Variants in NRDC observed in about 807,000 individuals in gnomAD.
NRDC encodes nardilysin convertase, also known as nardilysin.
NRDC carries 54 observed loss-of-function variants against 147.1 expected under a neutral mutation model. The ratio of observed to expected loss-of-function variants is 0.37; its 90% confidence interval spans 0.29 to 0.46. The LOEUF (loss-of-function observed/expected upper bound fraction) is 0.46. Ranked by LOEUF, NRDC falls within the 20% of genes least tolerant of loss-of-function variation. The pLI, the probability that NRDC is intolerant of heterozygous loss-of-function variation, is 1.00. For missense variants in NRDC, 1,082 were observed against 1,370.6 expected (o/e 0.79, Z 3.33); for synonymous variants, 440 against 482.1 (o/e 0.91, Z 1.14).
rs562410956 is a variant in NRDC at position 51,863,013 on chromosome 1, GAAA to G, written c.341+15259_341+15261del. Among the ~76,000 whole-genome samples the G allele has an allele frequency of 2.2e-3, 71 of 32,046 alleles. 1 individual carries two copies. The highest frequency in any genetic ancestry group is 9.6e-3 in the African/African-American group (66 of 6,846). 21.0% of individuals were successfully genotyped at this position (32,046 alleles called of 152,430 possible). On this transcript the variant is annotated intron_variant, in intron 1 of 30. Transcript: ENST00000352171. ...TGACAGAGTGAGACTCTGTGTGGAGGAAAAAAAAAAAAAAAAAAAAAAAAACAA... is the reference window on the plus strand; with the variant it reads ...TGACAGAGTGAGACTCTGTGTGGAGGAAAAAAAAAAAAAAAAAAAAAACAA...
At chr1:51,812,846 C>T (rs1453395040) in intron 14 of NRDC, among the ~76,000 whole-genome samples, 3 of 151,002 alleles carry the variant, frequency 2.0e-5, no homozygotes, top group Non-Finnish European at 4.4e-5. Context: ...CCTGTAGTTC[C>T]AGCTATTTGG....
rs772544413 is a variant in NRDC, at chr1:51,789,219, A to G, written c.*17T>C. ...TTAAAATACACATTGCTTCAGGCCAACGTGACTGCAGTTTATTTATTTGAC... is the reference window on the plus strand; with the variant it reads ...TTAAAATACACATTGCTTCAGGCCAGCGTGACTGCAGTTTATTTATTTGAC... On this transcript the variant is annotated 3_prime_UTR_variant, in exon 31 of 31. Coordinates refer to ENST00000352171, the MANE Select transcript of NRDC (RefSeq NM_001101662.2). The G allele has an allele frequency of 1.1e-5, 17 of 1,609,226 alleles. No individual in the cohort carries two copies. Among genetic ancestry groups the G allele is most frequent in the Middle Eastern group, 1.7e-4 (1 of 5,976 alleles).
intron 1 of NRDC, among the ~76,000 whole-genome samples, chr1:51,868,287 C>T (rs191678546): frequency 3.3e-5 from 5 of 151,636 alleles, no homozygotes; most frequent in Admixed American, 1.3e-4. Context: ...TGGGAAGGGA[C>T]GATTGAAAGA....
At chr1:51,832,648 G>A (rs1488440522) in intron 4 of NRDC, among the ~76,000 whole-genome samples, 2 of 151,584 alleles carry the variant, frequency 1.3e-5, no homozygotes, top group African/African-American at 2.4e-5. Context: ...TTTTTTCCGG[G>A]GTAGACTTTG....
At chr1:51,806,584 G>A (rs766213470) in intron 18 of NRDC, among the ~76,000 whole-genome samples, 7 of 152,202 alleles carry the variant, frequency 4.6e-5, no homozygotes, top group Non-Finnish European at 7.3e-5. Flanking sequence ...GGGGAAGCAA[G>A]TTACAGCAAA....
intron 1 of NRDC, among the ~76,000 whole-genome samples, chr1:51,846,268 G>A (rs1480716325): frequency 6.6e-6 from 1 of 151,868 alleles, no homozygotes; most frequent in Non-Finnish European, 1.5e-5. Context: ...GTGCACCACC[G>A]CACCTGGTTA....
At chr1:51,807,869 G>A (rs139490515) in intron 17 of NRDC, among the ~76,000 whole-genome samples, 53 of 149,648 alleles carry the variant, frequency 3.5e-4, no homozygotes, top group African/African-American at 1.3e-3. Flanking sequence ...GCAATGGTGC[G>A]ATCTCAACTC....
chr1:51,874,518 A>C (rs998642269), intron 1 of NRDC, among the ~76,000 whole-genome samples: 6 of 152,098 alleles, frequency 3.9e-5, no homozygotes, highest in Non-Finnish European at 7.4e-5. Context: ...CTGAGGTGGA[A>C]GGATCACCTA....
chr1:51,873,805 C>T (rs978045663), intron 1 of NRDC, among the ~76,000 whole-genome samples: 7 of 151,904 alleles, frequency 4.6e-5, no homozygotes, highest in Non-Finnish European at 7.4e-5. Context: ...GCCCCCACGC[C>T]CAGCCTGAAA....
intron 15 of NRDC, among the ~76,000 whole-genome samples, chr1:51,811,454 T>G (rs770050166): frequency 6.6e-6 from 1 of 152,122 alleles, no homozygotes; most frequent in Non-Finnish European, 1.5e-5. Flanking sequence ...AAGGCAAAAG[T>G]CACCTCTGGT....
chr1:51,801,009 TA>T (rs2149192344), intron 20 of NRDC: 1 of 188,976 alleles, frequency 5.3e-6, no homozygotes, highest in South Asian at 1.4e-4. Context: ...CATGCCCGGC[TA>T]ATTTTTTTGC....
intron 1 of NRDC, among the ~76,000 whole-genome samples, chr1:51,877,762 G>A (rs1683404840): frequency 6.6e-6 from 1 of 152,088 alleles, no homozygotes; most frequent in African/African-American, 2.4e-5. Context: ...AACTACCCAT[G>A]GAAACAAGTC....
Position 51,821,568 on chromosome 1 carries a change from G to A in NRDC, c.1160-13C>T, listed in dbSNP as rs1324850989. On this transcript the variant is annotated splice_polypyrimidine_tract_variant and intron_variant, in intron 7 of 30. Coordinates refer to ENST00000352171, the MANE Select transcript of NRDC (RefSeq NM_001101662.2). ...GTATCCAGTGTTTCTTGAGAGGGGA[G>A]GGCAGGGAAGAGACAGGAAAATGCA... 1.9e-6 allele frequency: 3 copies of A among 1,587,816 alleles called. No homozygotes were observed. The highest frequency in any genetic ancestry group is 1.7e-5 in the Admixed American group (1 of 59,768).
At position 51,861,837 on chromosome 1, in the gene NRDC, G is replaced by A. The variant is rs149605293; in HGVS notation, c.341+16438C>T. 3.3e-5 allele frequency among the ~76,000 whole-genome samples: 5 copies of A among 152,130 alleles called. No individual in the cohort carries two copies. The East Asian group carries it at 7.7e-4, about 23-fold the overall frequency. The stretch of plus-strand genomic sequence containing the variant: ...AACCATTTTCGCATTTAGAACATTC[G>A]CCACACACACGCACACATTTATATG... On this transcript the variant is annotated intron_variant, in intron 1 of 30. Transcript: ENST00000352171.
At chr1:51,849,308 G>C (rs1681818069) in intron 1 of NRDC, among the ~76,000 whole-genome samples, 1 of 151,910 alleles carries the variant, frequency 6.6e-6, no homozygotes, top group African/African-American at 2.4e-5. Context: ...TGAGGCAGGA[G>C]AATGACTGAG....
At chr1:51,804,038 G>A in intron 19 of NRDC, 74 bp from the exon 20 acceptor site, 2 of 1,310,404 alleles carry the variant, frequency 1.5e-6, no homozygotes, top group South Asian at 1.5e-5. Flanking sequence ...CTTCAATTTA[G>A]AGTAAGCAGC....
Position 51,837,905 on chromosome 1 carries a change from C to T in NRDC, c.631-1693G>A, listed in dbSNP as rs555968106. On this transcript the variant is annotated intron_variant, in intron 2 of 30. Coordinates refer to ENST00000352171, the MANE Select transcript of NRDC (RefSeq NM_001101662.2). Reference sequence around the variant, plus strand: ...GATCAAATATCTTTCTTCTCAATTCCTTTATTAATTCTCACATTTACCTTA... The same window carrying T: ...GATCAAATATCTTTCTTCTCAATTCTTTTATTAATTCTCACATTTACCTTA... 4.6e-5 allele frequency among the ~76,000 whole-genome samples: 7 copies of T among 152,242 alleles called. No homozygotes were observed. In the South Asian group the frequency reaches 1.5e-3, roughly 32 times the overall value.
At chr1:51,864,087 A>G (rs1235744150) in intron 1 of NRDC, among the ~76,000 whole-genome samples, 1 of 152,230 alleles carries the variant, frequency 6.6e-6, no homozygotes, top group Non-Finnish European at 1.5e-5. Flanking sequence ...AGTGAAAAAC[A>G]GAAAGATCAT....
intron 19 of NRDC, 95 bp downstream of exon 19, chr1:51,805,415 T>C (rs1357786752): frequency 1.0e-6 from 1 of 965,494 alleles, no homozygotes; most frequent in Non-Finnish European, 1.6e-6. Context: ...AGCTCAAATA[T>C]GGATAGAGAA....
Sources: allele counts gnomAD v4.1 joint callset (sites outside exome capture counted in the v4.1 genomes callset), GRCh38; gene constraint gnomAD v4.1.1; transcripts MANE v1.5; gene names NCBI Gene and HGNC (gene_info 2026-07-23, HGNC 2026-07-21).